CTNNA3: variants seen among roughly 807,000 people sequenced by gnomAD.
CTNNA3 encodes the protein catenin alpha-3.
A neutral mutation model predicts 95.7 loss-of-function variants in CTNNA3; 76 were observed. That is an observed-to-expected ratio of 0.79 (90% confidence interval 0.66 to 0.96). CTNNA3 has a LOEUF of 0.96. CTNNA3 is among the 40% of genes least tolerant of loss of function. The pLI is 0.00. For synonymous variants in CTNNA3, 431 were observed against 374.4 expected (o/e 1.15, Z -1.74); for missense variants, 1,191 against 1,089.8 (o/e 1.09, Z -1.31).
chr10:66,367,880 A>ATT (rs2092723853), intron 12 of CTNNA3, among the ~76,000 whole-genome samples: 11 of 47,166 alleles, frequency 2.3e-4, no homozygotes, highest in African/African-American at 1.1e-3. Context: ...TAATAATAAT[A>ATT]ATTATTATTA....
intron 9 of CTNNA3, among the ~76,000 whole-genome samples, chr10:66,623,117 C>A (rs1020210756): frequency 6.6e-6 from 1 of 152,074 alleles, no homozygotes; most frequent in African/African-American, 2.4e-5. Flanking sequence ...GCAACAGTTT[C>A]TGTGCCCCTT....
chr10:66,723,921 G>T (rs1333661934), intron 9 of CTNNA3, among the ~76,000 whole-genome samples: 1 of 152,086 alleles, frequency 6.6e-6, no homozygotes, highest in African/African-American at 2.4e-5. Flanking sequence ...AATCAGACTT[G>T]AAAATTTAAT....
intron 7 of CTNNA3, among the ~76,000 whole-genome samples, chr10:66,898,558 C>T (rs1402521925): frequency 6.6e-6 from 1 of 152,032 alleles, no homozygotes; most frequent in Non-Finnish European, 1.5e-5. Flanking sequence ...CACACATATA[C>T]TTAACATGAG....
At chr10:67,725,263 A>G (rs1210010989) in intron 1 of CTNNA3, among the ~76,000 whole-genome samples, 8 of 150,254 alleles carry the variant, frequency 5.3e-5, no homozygotes, top group African/African-American at 1.7e-4. Flanking sequence ...TGCAAGCTCC[A>G]TCTCCCAGGG....
intron 5 of CTNNA3, among the ~76,000 whole-genome samples, chr10:67,444,474 G>T (rs1438620342): frequency 1.3e-5 from 2 of 151,694 alleles, no homozygotes; most frequent in Non-Finnish European, 2.9e-5. Flanking sequence ...ACCTAATGAT[G>T]AATTTTAAAG....
At chr10:66,662,349 G>A (rs1419099970) in intron 9 of CTNNA3, among the ~76,000 whole-genome samples, 1 of 152,146 alleles carries the variant, frequency 6.6e-6, no homozygotes, top group East Asian at 1.9e-4. Context: ...CTAACTTTAA[G>A]AGGGCGTTTA....
chr10:66,073,142 A>G (rs574141893), intron 14 of CTNNA3, among the ~76,000 whole-genome samples: 1 of 152,218 alleles, frequency 6.6e-6, no homozygotes, highest in Admixed American at 6.6e-5. Flanking sequence ...GGGGTTTGAG[A>G]AGATGTTGGT....
chr10:67,709,294 G>A (rs1281456343), intron 1 of CTNNA3, among the ~76,000 whole-genome samples: 2 of 152,122 alleles, frequency 1.3e-5, no homozygotes, highest in Non-Finnish European at 2.9e-5. Context: ...TATTAAAACT[G>A]CGCCAAAAAA....
intron 4 of CTNNA3, among the ~76,000 whole-genome samples, chr10:67,525,373 T>C (rs946899142): frequency 3.3e-5 from 5 of 152,168 alleles, no homozygotes; most frequent in Middle Eastern, 3.4e-3. Flanking sequence ...ATAATAGTAA[T>C]CCATCAAATA....
At chr10:66,797,418 A>C (rs1181841802) in intron 7 of CTNNA3, among the ~76,000 whole-genome samples, 1 of 146,578 alleles carries the variant, frequency 6.8e-6, no homozygotes, top group Admixed American at 6.8e-5. Context: ...AAAAAAAAAA[A>C]AAAACCCACA....
chr10:67,282,654 G>A (rs1839444297), intron 5 of CTNNA3, among the ~76,000 whole-genome samples: 1 of 152,116 alleles, frequency 6.6e-6, no homozygotes, highest in Non-Finnish European at 1.5e-5. Flanking sequence ...TGTCTCAGGG[G>A]TATGGAGCTT....
chr10:66,761,069 A>G (rs1185269238), intron 9 of CTNNA3, among the ~76,000 whole-genome samples: 2 of 152,208 alleles, frequency 1.3e-5, no homozygotes, highest in Non-Finnish European at 2.9e-5. Flanking sequence ...TTATTTGATA[A>G]CAGATGACCA....
At chr10:66,840,401 CA>C in intron 7 of CTNNA3, among the ~76,000 whole-genome samples, 1 of 150,666 alleles carries the variant, frequency 6.6e-6, no homozygotes, top group African/African-American at 2.4e-5. Context: ...CACACACACA[CA>C]CACACACACC....
At chr10:66,486,481 G>A (rs1749011936) in intron 11 of CTNNA3, among the ~76,000 whole-genome samples, 1 of 152,050 alleles carries the variant, frequency 6.6e-6, no homozygotes, top group South Asian at 2.1e-4. Flanking sequence ...GCAGATCAAA[G>A]CCACGATAAG....
intron 7 of CTNNA3, among the ~76,000 whole-genome samples, chr10:66,789,159 AC>A (rs1176115996): frequency 1.4e-5 from 2 of 139,582 alleles, no homozygotes; most frequent in Non-Finnish European, 3.1e-5. Flanking sequence ...TGCTTACTAA[AC>A]CTTTTTTTTG....
At chr10:66,009,944 A>G (rs2078972711) in intron 15 of CTNNA3, among the ~76,000 whole-genome samples, 1 of 152,332 alleles carries the variant, frequency 6.6e-6, no homozygotes, top group African/African-American at 2.4e-5. Flanking sequence ...GTTGCAAATA[A>G]GCTTCATGGT....
intron 4 of CTNNA3, 94 bp from the exon 5 acceptor site, chr10:67,522,055 G>T: frequency 8.1e-7 from 1 of 1,240,966 alleles, no homozygotes; most frequent in Non-Finnish European, 1.1e-6. Context: ...ATGAGCCTCA[G>T]TTTCTCCCAT....
chr10:66,231,296 T>C (rs1369959586), intron 13 of CTNNA3, among the ~76,000 whole-genome samples: 1 of 152,152 alleles, frequency 6.6e-6, no homozygotes, highest in Non-Finnish European at 1.5e-5. Context: ...ATTTTCTCTA[T>C]ATGCATATAT....
chr10:66,888,977 T>C (rs543095170), intron 7 of CTNNA3, among the ~76,000 whole-genome samples: 3 of 152,320 alleles, frequency 2.0e-5, no homozygotes, highest in African/African-American at 7.2e-5. Flanking sequence ...AAGCTGTCCT[T>C]CACTTAGCAA....
Sources: allele counts gnomAD v4.1 joint callset (sites outside exome capture counted in the v4.1 genomes callset), GRCh38; gene constraint gnomAD v4.1.1; transcripts MANE v1.5; gene names NCBI Gene and HGNC (gene_info 2026-07-23, HGNC 2026-07-21).